Variants in EPHB2 observed in about 807,000 individuals in gnomAD.
EPHB2 encodes ephrin type-B receptor 2.
In EPHB2, 18 loss-of-function variants were observed where a neutral mutation model predicts 96.4. The ratio of observed to expected loss-of-function variants is 0.19; its 90% CI spans 0.13 to 0.28. EPHB2 has a LOEUF of 0.28. Among genes scored for constraint, EPHB2 ranks in the 10% least tolerant of loss-of-function variants. EPHB2 has a pLI of 1.00. For synonymous variants in EPHB2, 506 were observed against 534.1 expected (o/e 0.95, Z 0.72); for missense variants, 989 against 1,355.4 (o/e 0.73, Z 4.25).
At chr1:22,722,354 C>T (rs1422661988) in intron 1 of EPHB2, among the ~76,000 whole-genome samples, 1 of 152,188 alleles carries the variant, frequency 6.6e-6, no homozygotes, top group African/African-American at 2.4e-5. Flanking sequence ...TCTGGCCAAA[C>T]CAAACCATGT....
At chr1:22,725,232 G>A (rs1643556240) in intron 1 of EPHB2, among the ~76,000 whole-genome samples, 1 of 152,186 alleles carries the variant, frequency 6.6e-6, no homozygotes, top group South Asian at 2.1e-4. Context: ...TTGATGGTTA[G>A]ATGGATAAGT....
Position 22,913,572 on chromosome 1 carries a change from A to G in EPHB2, c.*2A>G. 6.2e-7 allele frequency: 1 copy of G among 1,614,048 alleles called. No individual in the cohort carries two copies. The highest frequency in any genetic ancestry group is 1.1e-5 in the South Asian group (1 of 91,062). ...CAGATTCAGTCTGTGGAGGTTTGACATTCACCTGCCTCGGCTCACCTCTTC... is the reference window on the plus strand; with the variant it reads ...CAGATTCAGTCTGTGGAGGTTTGACGTTCACCTGCCTCGGCTCACCTCTTC... On this transcript the variant is annotated 3_prime_UTR_variant, in exon 16 of 16. Transcript: ENST00000374630. This position sits in a 1 kb window ranked among gnomAD's most constrained non-coding sequence, Gnocchi z 4.1.
chr1:22,784,567 C>T lies in EPHB2; in HGVS notation c.302C>T (p.Pro101Leu). The change falls in exon 3 of 16, where the codon CCC becomes CTC. Residue 101 changes from proline to leucine, a missense_variant. Pro to Leu is a moderately conservative substitution (Grantham distance 98, BLOSUM62 -3). Coordinates refer to ENST00000374630, the MANE Select transcript of EPHB2 (RefSeq NM_017449.5). This position sits in a 1 kb window ranked among gnomAD's most constrained non-coding sequence, Gnocchi z 5.1. The stretch of plus-strand genomic sequence containing the variant: ...TCGGTGCGTGACTGCAGCAGCATCC[C>T]CAGCGTGCCTGGCTCCTGCAAGGAG... ...KFSVRDCSSIPSVPGSCKETF... is the reference protein window; with the variant it reads ...KFSVRDCSSILSVPGSCKETF... 1 of 1,614,176 alleles carries T rather than the reference C, an allele frequency of 6.2e-7. No homozygotes were observed.
rs190893462 is a variant in EPHB2 at position 22,785,808 on chromosome 1, C to G, written c.811+732C>G. Reference sequence around the variant, plus strand: ...TACTGTGAGCCAGGCCCACGACTCCCCCTTGTACTATGTGCTGAGCACTTC... The same window carrying G: ...TACTGTGAGCCAGGCCCACGACTCCGCCTTGTACTATGTGCTGAGCACTTC... On this transcript the variant is annotated intron_variant, in intron 3 of 15. Coordinates refer to ENST00000374630, the MANE Select transcript of EPHB2 (RefSeq NM_017449.5). 3.9e-5 allele frequency among the ~76,000 whole-genome samples: 6 copies of G among 152,318 alleles called. No individual in the cohort carries two copies. In the South Asian group the frequency reaches 8.3e-4, roughly 21 times the overall value.
chr1:22,865,202 C>T lies in EPHB2; in HGVS notation c.1293C>T (p.Thr431=). The change falls in exon 5 of 16, where the codon ACC becomes ACT. Residue 431 remains threonine (T), a synonymous_variant. Coordinates refer to ENST00000374630, the MANE Select transcript of EPHB2 (RefSeq NM_017449.5). ...SPQFASVNIT[T]NQAAPSAVSI... is the part of the protein sequence containing the mutation. Reference sequence around the variant, plus strand: ...AGTTCGCCTCTGTGAACATCACCACCAACCAGGCAGGTAAGTGCTTCCGAC... The same window carrying T: ...AGTTCGCCTCTGTGAACATCACCACTAACCAGGCAGGTAAGTGCTTCCGAC... 1 of 1,614,236 alleles carries T rather than the reference C, an allele frequency of 6.2e-7. No individual in the cohort carries two copies. Among genetic ancestry groups the T allele is most frequent in the Non-Finnish European group, 8.5e-7 (1 of 1,180,046 alleles).
At chr1:22,729,927 G>A (rs757794523) in intron 1 of EPHB2, among the ~76,000 whole-genome samples, 6 of 152,168 alleles carry the variant, frequency 3.9e-5, no homozygotes, top group African/African-American at 1.2e-4. Context: ...ATGAATGCAC[G>A]GCTCTCAGAT....
chr1:22,800,206 GTTGT>G (rs1644822927), intron 3 of EPHB2: 1 of 152,324 alleles, frequency 6.6e-6, no homozygotes, highest in African/African-American at 2.4e-5. Context: ...CCTGCTGGGA[GTTGT>G]TTGTGTGCCC....
intron 3 of EPHB2, among the ~76,000 whole-genome samples, chr1:22,795,361 C>T (rs982116106): frequency 6.6e-6 from 1 of 152,204 alleles, no homozygotes; most frequent in East Asian, 1.9e-4. Flanking sequence ...GGAGGTGGCT[C>T]GCCCAGGCTC....
intron 1 of EPHB2, among the ~76,000 whole-genome samples, chr1:22,730,941 CGGTGGTGGCTGGACCAAGCGGGCAGT>C (rs1643695872): frequency 6.6e-6 from 1 of 151,994 alleles, no homozygotes; most frequent in African/African-American, 2.4e-5. Flanking sequence ...AGGCACGAGA[CGGTGGTGGCTGGACCAAGCGGGCAGT>C]GGTGGGGAGT....
chr1:22,780,961 T>A (rs1478451881), intron 1 of EPHB2, among the ~76,000 whole-genome samples: 2 of 151,096 alleles, frequency 1.3e-5, no homozygotes, highest in Admixed American at 6.6e-5. Flanking sequence ...GTCTGGAGAG[T>A]TAGAGTCAGA....
At chr1:22,833,420 A>G (rs1301623156) in intron 3 of EPHB2, among the ~76,000 whole-genome samples, 1 of 152,150 alleles carries the variant, frequency 6.6e-6, no homozygotes. Context: ...GCCCGGCCTC[A>G]TTTAAGAGAT....
At chr1:22,823,490 A>G (rs1171808140) in intron 3 of EPHB2, among the ~76,000 whole-genome samples, 1 of 152,138 alleles carries the variant, frequency 6.6e-6, no homozygotes, top group Non-Finnish European at 1.5e-5. Flanking sequence ...GTGTGTATAT[A>G]TGTGCATTTG....
intron 3 of EPHB2, among the ~76,000 whole-genome samples, chr1:22,786,322 C>T (rs1248939052): frequency 6.6e-6 from 1 of 152,204 alleles, no homozygotes; most frequent in African/African-American, 2.4e-5. Flanking sequence ...GATGCTCAGC[C>T]TGTGAGCTGC....
At chr1:22,847,444 A>G (rs916603972) in intron 3 of EPHB2, among the ~76,000 whole-genome samples, 6 of 152,184 alleles carry the variant, frequency 3.9e-5, no homozygotes, top group Non-Finnish European at 7.4e-5. Flanking sequence ...TTCGTTTTTA[A>G]TGGTAAAGAG....
At chr1:22,808,355 A>G (rs1364681540) in intron 3 of EPHB2, among the ~76,000 whole-genome samples, 1 of 152,200 alleles carries the variant, frequency 6.6e-6, no homozygotes, top group Admixed American at 6.5e-5. Context: ...GGCACAGAGC[A>G]AGGGTTGGGG....
At chr1:22,910,311 G>C in intron 13 of EPHB2, 71 bp from the exon 14 acceptor site, 1 of 1,592,874 alleles carries the variant, frequency 6.3e-7, no homozygotes, top group Non-Finnish European at 8.6e-7. Context: ...CTGGGGGTAA[G>C]ATGGGCCTGG....
At chr1:22,850,808 G>C (rs1024318528) in intron 3 of EPHB2, among the ~76,000 whole-genome samples, 1 of 152,160 alleles carries the variant, frequency 6.6e-6, no homozygotes, top group Non-Finnish European at 1.5e-5. Context: ...ACCAGGACTT[G>C]AACCAGGCAG....
Position 22,875,333 on chromosome 1 carries a change from C to T in EPHB2, c.1304-7026C>T, listed in dbSNP as rs773721941. 2.2e-4 allele frequency among the ~76,000 whole-genome samples: 34 copies of T among 152,218 alleles called. No homozygotes were observed. Among genetic ancestry groups the T allele is most frequent in the Non-Finnish European group, 4.6e-4 (31 of 68,042 alleles). On this transcript the variant is annotated intron_variant, in intron 5 of 15. Coordinates refer to ENST00000374630, the MANE Select transcript of EPHB2 (RefSeq NM_017449.5). The surrounding 1 kb of genome is among the most constrained non-coding windows in gnomAD (Gnocchi z 4.2). ...GAGTCCCGTCCCAAGTAAACTGTCCCTGCTACAGACCCTGGAGAGGACTAG... is the reference window on the plus strand; with the variant it reads ...GAGTCCCGTCCCAAGTAAACTGTCCTTGCTACAGACCCTGGAGAGGACTAG...
Position 22,791,474 on chromosome 1 carries a change from T to TC in EPHB2, c.811+6398_811+6399insC, listed in dbSNP as rs1441303153. On this transcript the variant is annotated intron_variant, in intron 3 of 15. Coordinates refer to ENST00000374630, the MANE Select transcript of EPHB2 (RefSeq NM_017449.5). The stretch of plus-strand genomic sequence containing the variant: ...TTCTTTCTTTCTTTCTTTCTTTCTT[T>TC]TTTTTTTTTTTTTTTTCCTTTCAGA... Among the ~76,000 whole-genome samples, 35 of 82,786 alleles carry TC rather than the reference T, an allele frequency of 4.2e-4. No homozygotes were observed. The South Asian group carries it at 6.6e-3, about 16-fold the overall frequency. The allele number at this position is 82,786 out of a possible 152,430, so 54.3% of individuals were successfully genotyped here.
Sources: gnomAD v4.1 joint callset for allele counts (sites outside exome capture counted in the v4.1 genomes callset) on GRCh38, gnomAD v4.1.1 for gene constraint, Gnocchi (gnomAD v3.1) non-coding constraint, MANE v1.5 for transcripts, NCBI Gene and HGNC (gene_info 2026-07-23, HGNC 2026-07-21) for gene names.